ITGA2: variants seen among roughly 807,000 people sequenced by gnomAD.
The protein encoded by ITGA2 is integrin alpha-2.
A neutral mutation model predicts 146.3 loss-of-function variants in ITGA2; 101 were observed. The observed-to-expected ratio is 0.69, with a 90% CI of 0.59 to 0.81. The LOEUF is 0.81. Among genes scored for constraint, ITGA2 ranks in the 40% least tolerant of loss-of-function variants. The probability of loss-of-function intolerance (pLI) is 0.00; values close to 1 mark genes in which losing one functional copy is unlikely to be tolerated. For synonymous variants in ITGA2, 477 were observed against 487.1 expected (o/e 0.98, Z 0.27); for missense variants, 1,281 against 1,402.7 (o/e 0.91, Z 1.39).
chr5:53,042,203 G>A lies in ITGA2; in HGVS notation c.277G>A (p.Glu93Lys), dbSNP rs745483689. ...CPVDLSTATC[E>K]KLNLQTSTSI... ...TGTTGACCTATCCACTGCCACATGT[G>A]AAAAACTAAATTTGCAAAGTAAGTT... Residue 93 changes from glutamate to lysine, a missense_variant, in exon 3 of 30, where the codon GAA becomes AAA. Glu to Lys is a moderately conservative substitution (Grantham distance 56). This residue lies in a region of ITGA2 where 795 missense variants were observed against 841.7 expected (regional missense o/e 0.94). Transcript: ENST00000296585. 3.1e-6 allele frequency: 5 copies of A among 1,609,976 alleles called. No individual in the cohort carries two copies. In the African/African-American group the frequency reaches 5.3e-5, roughly 17 times the overall value.
Position 53,026,793 on chromosome 5 carries a change from C to CA in ITGA2, c.115dup (p.Ile39AsnfsTer8). 6.2e-7 allele frequency: 1 copy of CA among 1,613,230 alleles called. No homozygotes were observed. Among genetic ancestry groups the CA allele is most frequent in the Non-Finnish European group, 8.5e-7 (1 of 1,179,284 alleles). ...GCCTACAATGTTGGTCTCCCAGAAG[C>CA]AAAAATATTTTCCGGTCCTTCAAGT... On this transcript the variant is annotated frameshift_variant, in exon 2 of 30. Transcript: ENST00000296585. LOFTEE classifies it high-confidence loss of function.
chr5:53,042,263 A>G (rs1743837618), intron 3 of ITGA2, 42 bp downstream of exon 3: 2 of 1,166,948 alleles, frequency 1.7e-6, no homozygotes, highest in South Asian at 2.4e-5. Flanking sequence ...TTTGTCTTAG[A>G]CTCAACTGAA....
chr5:53,006,156 A>G (rs1383872383), intron 1 of ITGA2, among the ~76,000 whole-genome samples: 1 of 152,152 alleles, frequency 6.6e-6, no homozygotes, highest in Non-Finnish European at 1.5e-5. Flanking sequence ...GCAAACCACC[A>G]TGGCACACGT....
chr5:53,090,021 G>T lies in ITGA2; in HGVS notation c.3424G>T (p.Gly1142Ter). ...AGTTATAATAGGAAGTATAATTGCT[G>T]GAATCCTTTTGCTGTTAGCTCTGGT... ...TGVIIGSIIA[G>*]ILLLLALVAI... The change falls in exon 29 of 30, where the codon GGA becomes TGA. Residue 1142 changes from glycine (G) to a stop codon, truncating the protein, a stop_gained. Coordinates refer to ENST00000296585, the MANE Select transcript of ITGA2 (RefSeq NM_002203.4). LOFTEE classifies it high-confidence loss of function. 6.2e-7 allele frequency: 1 copy of T among 1,613,276 alleles called. No individual in the cohort carries two copies. The highest frequency in any genetic ancestry group is 8.5e-7 in the Non-Finnish European group (1 of 1,179,268).
intron 23 of ITGA2, among the ~76,000 whole-genome samples, chr5:53,077,058 ATG>A (rs1455519767): frequency 1.7e-5 from 2 of 120,678 alleles, no homozygotes; most frequent in Non-Finnish European, 1.8e-5. Context: ...ATACACACAC[ATG>A]TGCACATTTT....
chr5:53,000,897 G>GTTTTTTTTTTTTTTTTT (rs369482288), intron 1 of ITGA2, among the ~76,000 whole-genome samples: 14 of 97,228 alleles, frequency 1.4e-4, no homozygotes, highest in Non-Finnish European at 1.8e-4. Context: ...TTTTCTTTTT[G>GTTTTTTTTTTTTTTTTT]TTTTTTTTTT....
intron 1 of ITGA2, among the ~76,000 whole-genome samples, chr5:53,016,044 G>A (rs139195227): frequency 6.6e-5 from 10 of 152,170 alleles, no homozygotes; most frequent in African/African-American, 2.2e-4. Flanking sequence ...TCTCCAACTT[G>A]CCACTCTGTG....
intron 7 of ITGA2, among the ~76,000 whole-genome samples, chr5:53,054,710 A>G (rs1053555401): frequency 6.6e-6 from 1 of 152,122 alleles, no homozygotes; most frequent in Non-Finnish European, 1.5e-5. Flanking sequence ...AAAGTAAAAA[A>G]CAACTGTTTA....
At chr5:53,017,404 TG>T in intron 1 of ITGA2, among the ~76,000 whole-genome samples, 1 of 152,258 alleles carries the variant, frequency 6.6e-6, no homozygotes. Context: ...GAACTGGCAT[TG>T]GGCCCCCCCG....
Position 53,078,831 on chromosome 5 carries a change from A to G in ITGA2, c.2885A>G (p.His962Arg). 1 of 1,612,104 alleles carries G rather than the reference A, an allele frequency of 6.2e-7. No individual in the cohort carries two copies. Among genetic ancestry groups the G allele is most frequent in the African/African-American group, 1.3e-5 (1 of 74,966 alleles). Residue 962 changes from histidine to arginine, a missense_variant, in exon 24 of 30, where the codon CAC becomes CGC. By Grantham distance (29) the His-to-Arg change is conservative. Coordinates refer to ENST00000296585, the MANE Select transcript of ITGA2 (RefSeq NM_002203.4). Reference sequence around the variant, plus strand: ...GATGGGAATGTTCCTTCAATCGTGCACAGTTTTGAAGATGTTGGTCCAAAA... The same window carrying G: ...GATGGGAATGTTCCTTCAATCGTGCGCAGTTTTGAAGATGTTGGTCCAAAA... Reference protein sequence around the residue: ...SSDGNVPSIVHSFEDVGPKFI... With the variant: ...SSDGNVPSIVRSFEDVGPKFI...
intron 1 of ITGA2, among the ~76,000 whole-genome samples, chr5:53,004,726 T>C (rs1390282543): frequency 2.6e-5 from 4 of 152,146 alleles, no homozygotes; most frequent in African/African-American, 7.2e-5. Flanking sequence ...GGAAATGTTA[T>C]GCCACTGCAT....
In ITGA2 at chr5:53,048,654, C is replaced by T. The variant is rs1744208095; in HGVS notation, c.514C>T (p.Leu172Phe). ...CTTTTCCTGTGTAGCCTGCCCTTCC[C>T]TCATAGATGTTGTGGTTGTGTGTGA... The part of the protein sequence containing the change: ...FSPATQPCPS[L>F]IDVVVVCDES... Residue 172 changes from leucine to phenylalanine, a missense_variant, in exon 6 of 30, where the codon CTC (leucine) becomes TTC (phenylalanine). Coordinates refer to ENST00000296585, the MANE Select transcript of ITGA2 (RefSeq NM_002203.4). 1 of 1,614,060 alleles carries T rather than the reference C, an allele frequency of 6.2e-7. No homozygotes were observed. Among genetic ancestry groups the T allele is most frequent in the Non-Finnish European group, 8.5e-7 (1 of 1,179,970 alleles).
intron 1 of ITGA2, among the ~76,000 whole-genome samples, chr5:53,023,531 A>G (rs1248261301): frequency 6.6e-6 from 1 of 152,200 alleles, no homozygotes; most frequent in African/African-American, 2.4e-5. Flanking sequence ...CATAATGGAA[A>G]TGCAAAGAGA....
rs775411377 is a variant in ITGA2 at position 53,051,409 on chromosome 5, AG to A, written c.631del. 12 of 1,613,014 alleles carry A rather than the reference AG, an allele frequency of 7.4e-6. No homozygotes were observed. Among genetic ancestry groups the A allele is most frequent in the Non-Finnish European group, 1.0e-5 (12 of 1,179,166 alleles). ...CATTAATAAATGTCTCCTCTGTTGAAGGTGGGGTTAATTCAGTATGCCAATA... is the reference window on the plus strand; with the variant it reads ...CATTAATAAATGTCTCCTCTGTTGAAGTGGGGTTAATTCAGTATGCCAATA... On this transcript the variant is annotated splice_acceptor_variant, in intron 6 of 29. Transcript: ENST00000296585. LOFTEE classifies it high-confidence loss of function.
intron 1 of ITGA2, among the ~76,000 whole-genome samples, chr5:53,021,506 T>C (rs746417151): frequency 6.6e-6 from 1 of 152,148 alleles, no homozygotes; most frequent in Non-Finnish European, 1.5e-5. Context: ...AGAGCATGGT[T>C]CTCCTGGAAA....
intron 6 of ITGA2, among the ~76,000 whole-genome samples, chr5:53,050,977 C>T (rs1266729988): frequency 2.6e-5 from 4 of 152,158 alleles, no homozygotes; most frequent in African/African-American, 4.8e-5. Context: ...TACACAGTTA[C>T]CATCCTTTGA....
At chr5:53,078,921 AG>A (rs1745783684) in intron 24 of ITGA2, 47 bp downstream of exon 24, 1 of 1,060,146 alleles carries the variant, frequency 9.4e-7, no homozygotes, top group African/African-American at 1.6e-5. Context: ...GAAAGTGAGA[AG>A]AAAAAAAATG....
Position 53,036,317 on chromosome 5 carries a change from G to T in ITGA2, c.186-5795G>T, listed in dbSNP as rs188413876. Among the ~76,000 whole-genome samples the T allele has an allele frequency of 2.0e-4, 31 of 152,198 alleles. No homozygotes were observed. The East Asian group carries it at 5.4e-3, about 27-fold the overall frequency. ...ACAATATGTCAGATCACATCATGCT[G>T]TACTCAAAACCCTCCAATGGCATTC... On this transcript the variant is annotated intron_variant, in intron 2 of 29. Coordinates refer to ENST00000296585, the MANE Select transcript of ITGA2 (RefSeq NM_002203.4).
chr5:53,049,768 T>G (rs886336490), intron 6 of ITGA2, among the ~76,000 whole-genome samples: 1 of 152,122 alleles, frequency 6.6e-6, no homozygotes, highest in African/African-American at 2.4e-5. Context: ...ACTGAACCAG[T>G]GTCAACCCGG....
Sources: gnomAD v4.1 joint callset for allele counts (sites outside exome capture counted in the v4.1 genomes callset) on GRCh38, gnomAD v4.1.1 for gene constraint, gnomAD v4.1.1 regional missense constraint, MANE v1.5 for transcripts, NCBI Gene and HGNC (gene_info 2026-07-23, HGNC 2026-07-21) for gene names.